The following LRRN2 variants were observed in gnomAD, a reference collection of about 807,000 sequenced individuals.
LRRN2 encodes leucine rich repeat neuronal 2.
Under a neutral mutation model 35.7 loss-of-function variants are expected in LRRN2, and 10 were observed. That is an observed-to-expected ratio of 0.28 (90% confidence interval 0.17 to 0.47). LRRN2 has a LOEUF of 0.47. Among genes scored for constraint, LRRN2 ranks in the 20% least tolerant of loss-of-function variants. The pLI, the probability that LRRN2 is intolerant of heterozygous loss-of-function variation, is 0.99. For synonymous variants in LRRN2, 391 were observed against 409.6 expected (o/e 0.95, Z 0.55); for missense variants, 731 against 940.3 (o/e 0.78, Z 2.91).
At chr1:204,624,844 C>A (rs1667219103) in intron 1 of LRRN2, among the ~76,000 whole-genome samples, 1 of 151,846 alleles carries the variant, frequency 6.6e-6, no homozygotes, top group South Asian at 2.1e-4. Context: ...CCAGGACACC[C>A]TTCTCCCCAC....
At chr1:204,684,469 C>T (rs890937471) in intron 1 of LRRN2, among the ~76,000 whole-genome samples, 1 of 152,164 alleles carries the variant, frequency 6.6e-6, no homozygotes. Context: ...CCCCAGGTTC[C>T]GGGTCTCCTG....
At chr1:204,651,884 C>A (rs897709226) in intron 1 of LRRN2, among the ~76,000 whole-genome samples, 2 of 152,216 alleles carry the variant, frequency 1.3e-5, no homozygotes, top group Non-Finnish European at 2.9e-5. Context: ...CTAAGAATTA[C>A]CAGCCCCTGC....
intron 1 of LRRN2, among the ~76,000 whole-genome samples, chr1:204,679,098 G>A (rs913819235): frequency 1.3e-5 from 2 of 152,130 alleles, no homozygotes; most frequent in African/African-American, 2.4e-5. Context: ...AGGTCCCCTC[G>A]CAATGTAGAT....
intron 1 of LRRN2, among the ~76,000 whole-genome samples, chr1:204,679,298 G>A (rs553784185): frequency 4.6e-5 from 7 of 152,264 alleles, no homozygotes; most frequent in African/African-American, 1.7e-4. Context: ...GGCCCTCTGT[G>A]GTCATTCCCC....
rs1290970693 is a variant in LRRN2 at position 204,634,933 on chromosome 1, A to G, written c.-226-14715T>C. The stretch of plus-strand genomic sequence containing the variant: ...AAGACTAGTACTATCCCTTTTTTAC[A>G]GAGACGTACAGCTCAAATGAAAATA... On this transcript the variant is annotated intron_variant, in intron 1 of 1. Transcript: ENST00000367177. Among the ~76,000 whole-genome samples, 8 of 152,306 alleles carry G rather than the reference A, an allele frequency of 5.3e-5. No homozygotes were observed. The East Asian group carries it at 1.5e-3, about 29-fold the overall frequency.
chr1:204,668,255 T>G (rs1214517504), intron 1 of LRRN2, among the ~76,000 whole-genome samples: 1 of 152,134 alleles, frequency 6.6e-6, no homozygotes, highest in Non-Finnish European at 1.5e-5. Flanking sequence ...TAATTTGAAC[T>G]TGCAGCAGTC....
chr1:204,674,368 A>G (rs1344490239), intron 1 of LRRN2, among the ~76,000 whole-genome samples: 1 of 151,298 alleles, frequency 6.6e-6, no homozygotes, highest in African/African-American at 2.4e-5. Context: ...ATTACCACAC[A>G]TGCCAATAAG....
intron 1 of LRRN2, among the ~76,000 whole-genome samples, chr1:204,675,307 C>G (rs1295106848): frequency 6.6e-6 from 1 of 152,236 alleles, no homozygotes; most frequent in African/African-American, 2.4e-5. Flanking sequence ...CAAAGGACCA[C>G]AAACTTAGTG....
At chr1:204,623,747 T>C (rs927493197) in intron 1 of LRRN2, among the ~76,000 whole-genome samples, 26 of 152,202 alleles carry the variant, frequency 1.7e-4, no homozygotes, top group African/African-American at 5.8e-4. Context: ...CTTTCCCCAA[T>C]TGGATTCCGA....
At chr1:204,668,976 A>G (rs932881914) in intron 1 of LRRN2, among the ~76,000 whole-genome samples, 4 of 152,026 alleles carry the variant, frequency 2.6e-5, no homozygotes, top group African/African-American at 9.7e-5. Flanking sequence ...GGCTCTGGCC[A>G]CTACACCTGG....
intron 1 of LRRN2, among the ~76,000 whole-genome samples, chr1:204,639,394 G>A (rs1308958035): frequency 1.3e-5 from 2 of 152,190 alleles, no homozygotes; most frequent in Non-Finnish European, 2.9e-5. Context: ...AGCACTTCGG[G>A]AGGCCCAGTT....
chr1:204,637,846 C>G (rs4951084), intron 1 of LRRN2, among the ~76,000 whole-genome samples: 117,127 of 152,126 alleles, frequency 0.77, 45,275 homozygotes, highest in East Asian at 0.89. Flanking sequence ...AGTTTGTGCT[C>G]CCATCGCAAA....
At chr1:204,669,259 G>A (rs1668656354) in intron 1 of LRRN2, among the ~76,000 whole-genome samples, 1 of 152,250 alleles carries the variant, frequency 6.6e-6, no homozygotes, top group Non-Finnish European at 1.5e-5. Flanking sequence ...GAAGGGAAGG[G>A]AGCAGGAGTA....
intron 1 of LRRN2, among the ~76,000 whole-genome samples, chr1:204,680,437 A>G (rs1668922412): frequency 1.3e-5 from 2 of 152,170 alleles, no homozygotes; most frequent in African/African-American, 4.8e-5. Context: ...AAACACACAG[A>G]AAAAAACGAA....
At chr1:204,642,434 G>C (rs2102602535) in intron 1 of LRRN2, among the ~76,000 whole-genome samples, 1 of 152,310 alleles carries the variant, frequency 6.6e-6, no homozygotes, top group African/African-American at 2.4e-5. Context: ...CACTGGCAGA[G>C]GGGTGAAATG....
chr1:204,643,545 G>A (rs765639971), intron 1 of LRRN2, among the ~76,000 whole-genome samples: 1 of 152,160 alleles, frequency 6.6e-6, no homozygotes, highest in South Asian at 2.1e-4. Flanking sequence ...CCCATTTGAA[G>A]AGGGGGCGAG....
In LRRN2 at chr1:204,619,909, G is replaced by A. The variant is rs750667287; in HGVS notation, c.84C>T (p.Pro28=). 1 of 1,613,874 alleles carries A rather than the reference G, an allele frequency of 6.2e-7. No individual in the cohort carries two copies. The highest frequency in any genetic ancestry group is 8.5e-7 in the Non-Finnish European group (1 of 1,179,990). ...AAVPVVPWHV[P]CPPQCACQIR... ...TCTGGCAGGCACACTGAGGGGGGCA[G>A]GGAACATGCCAGGGTACCACGGGCA... The change falls in exon 2 of 2, where the codon CCC becomes CCT. Residue 28 remains proline (P), a synonymous_variant. Coordinates refer to ENST00000367177, the MANE Select transcript of LRRN2 (RefSeq NM_201630.2).
chr1:204,676,376 T>G (rs985589409), intron 1 of LRRN2, among the ~76,000 whole-genome samples: 1 of 151,810 alleles, frequency 6.6e-6, no homozygotes, highest in Admixed American at 6.6e-5. Context: ...TTTCTGAGCT[T>G]TGTACTGCTT....
At chr1:204,641,421 G>A (rs1209034837) in intron 1 of LRRN2, among the ~76,000 whole-genome samples, 2 of 152,048 alleles carry the variant, frequency 1.3e-5, no homozygotes, top group Admixed American at 1.3e-4. Flanking sequence ...CATTGTTTAG[G>A]TTGACACCAG....
Sources: gnomAD v4.1 joint callset for allele counts (sites outside exome capture counted in the v4.1 genomes callset) on GRCh38, gnomAD v4.1.1 for gene constraint, MANE v1.5 for transcripts, NCBI Gene and HGNC (gene_info 2026-07-23, HGNC 2026-07-21) for gene names.